The following GALNT17 variants were observed in gnomAD, a reference collection of about 807,000 sequenced individuals.
GALNT17 encodes the protein UDP-GalNAc:polypeptide N-acetylgalactosaminyltransferase-like 3.
In GALNT17, 29 loss-of-function variants were observed where a neutral mutation model predicts 63.7. That is an observed-to-expected ratio of 0.46 (90% CI 0.34 to 0.62). The LOEUF (loss-of-function observed/expected upper bound fraction) is 0.62, where lower values mean the gene tolerates loss of function less well. GALNT17 is among the 20% of genes least tolerant of loss of function. The pLI is 0.01. For synonymous variants in GALNT17, 305 were observed against 318.3 expected (o/e 0.96, Z 0.45); for missense variants, 603 against 799.6 (o/e 0.75, Z 2.97).
At chr7:71,425,742 C>T (rs922868856) in intron 5 of GALNT17, among the ~76,000 whole-genome samples, 5 of 152,118 alleles carry the variant, frequency 3.3e-5, no homozygotes, top group African/African-American at 7.2e-5. Flanking sequence ...CAACTTACAC[C>T]GGCAGTGGGC....
At chr7:71,418,480 A>T (rs553581800) in intron 4 of GALNT17, among the ~76,000 whole-genome samples, 1 of 152,178 alleles carries the variant, frequency 6.6e-6, no homozygotes, top group South Asian at 2.1e-4. Flanking sequence ...GCTGTGCTTG[A>T]TTTCTCCTCT....
intron 1 of GALNT17, among the ~76,000 whole-genome samples, chr7:71,213,173 T>C (rs1449791014): frequency 6.6e-6 from 1 of 152,166 alleles, no homozygotes; most frequent in East Asian, 1.9e-4. Context: ...GGGCCAGTCT[T>C]TCCTGTGCTA....
chr7:71,321,910 C>CCTTCCTTTCTTCCTTT (rs1791618443), intron 1 of GALNT17, among the ~76,000 whole-genome samples: 1 of 94,884 alleles, frequency 1.1e-5, no homozygotes, highest in Non-Finnish European at 2.3e-5. Context: ...TTCCTTCCTT[C>CCTTCCTTTCTTCCTTT]CTTCCTTCCT....
chr7:71,574,890 C>T (rs1789510432), intron 6 of GALNT17, among the ~76,000 whole-genome samples: 1 of 152,102 alleles, frequency 6.6e-6, no homozygotes, highest in African/African-American at 2.4e-5. Flanking sequence ...AGAAAGGAGC[C>T]CAGGTGAGAA....
At chr7:71,488,627 T>G (rs1441387040) in intron 5 of GALNT17, among the ~76,000 whole-genome samples, 1 of 145,036 alleles carries the variant, frequency 6.9e-6, no homozygotes, top group Admixed American at 7.2e-5. Context: ...TTGCCCAAGC[T>G]GGAGTGCAGT....
chr7:71,134,174 C>G (rs1787739501), intron 1 of GALNT17, among the ~76,000 whole-genome samples: 1 of 152,166 alleles, frequency 6.6e-6, no homozygotes. Context: ...CCCCAAACCT[C>G]TGTAATCGGA....
At chr7:71,262,405 T>C (rs1434899585) in intron 1 of GALNT17, among the ~76,000 whole-genome samples, 1 of 152,108 alleles carries the variant, frequency 6.6e-6, no homozygotes, top group African/African-American at 2.4e-5. Context: ...TGTAAGCCAC[T>C]GTGCCCAACC....
intron 6 of GALNT17, among the ~76,000 whole-genome samples, chr7:71,615,834 C>T (rs911057833): frequency 6.6e-6 from 1 of 152,094 alleles, no homozygotes; most frequent in Non-Finnish European, 1.5e-5. Context: ...CCAAGGAACT[C>T]TGAATGAATG....
At chr7:71,706,030 G>A (rs1381917446) in intron 9 of GALNT17, among the ~76,000 whole-genome samples, 1 of 152,140 alleles carries the variant, frequency 6.6e-6, no homozygotes, top group Non-Finnish European at 1.5e-5. Flanking sequence ...AGATCCAAGG[G>A]TTCGCTACCC....
intron 2 of GALNT17, among the ~76,000 whole-genome samples, chr7:71,338,313 C>T (rs923553545): frequency 9.3e-5 from 14 of 150,532 alleles, no homozygotes; most frequent in African/African-American, 2.4e-4. Context: ...GGCGAAAGAG[C>T]GAGACTCCGT....
intron 6 of GALNT17, among the ~76,000 whole-genome samples, chr7:71,621,743 C>G (rs1790299038): frequency 6.6e-6 from 1 of 152,116 alleles, no homozygotes; most frequent in Admixed American, 6.5e-5. Context: ...TTATAACATT[C>G]TAGGGTAGAA....
intron 6 of GALNT17, among the ~76,000 whole-genome samples, chr7:71,659,670 AT>A (rs1790877255): frequency 6.6e-6 from 1 of 152,252 alleles, no homozygotes; most frequent in Non-Finnish European, 1.5e-5. Context: ...ATCAGCCCAG[AT>A]TCAAGGAGAG....
chr7:71,581,538 A>G lies in GALNT17; in HGVS notation c.1080+10136A>G, dbSNP rs112591104. On this transcript the variant is annotated intron_variant, in intron 6 of 10. Coordinates refer to ENST00000333538, the MANE Select transcript of GALNT17 (RefSeq NM_022479.3). The stretch of plus-strand genomic sequence containing the variant: ...TGGGGGAAACCAACCCCCATGATCC[A>G]ATCACCTCTTACCAGGTCCCTCCTT... Among the ~76,000 whole-genome samples, 1,444 of 152,192 alleles carry G rather than the reference A, an allele frequency of 9.5e-3. 21 individuals are homozygous for G. The highest frequency in any genetic ancestry group is 0.033 in the African/African-American group (1,351 of 41,536).
At chr7:71,427,352 C>G (rs1583943300) in intron 5 of GALNT17, among the ~76,000 whole-genome samples, 1 of 151,864 alleles carries the variant, frequency 6.6e-6, no homozygotes, top group Non-Finnish European at 1.5e-5. Context: ...TGCCTCAGCC[C>G]CCTAAAGTGC....
intron 5 of GALNT17, among the ~76,000 whole-genome samples, chr7:71,474,759 C>A (rs1338508781): frequency 6.6e-6 from 1 of 152,130 alleles, no homozygotes. Flanking sequence ...ACCCAAGATA[C>A]CCACATTCCA....
intron 2 of GALNT17, among the ~76,000 whole-genome samples, chr7:71,371,927 G>T (rs1792630961): frequency 6.6e-6 from 1 of 152,102 alleles, no homozygotes; most frequent in African/African-American, 2.4e-5. Context: ...TGTTGCACTT[G>T]CCAGTTGGCT....
chr7:71,410,956 G>A (rs1398900246), intron 3 of GALNT17, among the ~76,000 whole-genome samples: 3 of 152,058 alleles, frequency 2.0e-5, no homozygotes, highest in East Asian at 1.9e-4. Context: ...TATTTTTGTC[G>A]AAATGAGTTT....
intron 5 of GALNT17, among the ~76,000 whole-genome samples, chr7:71,509,865 G>A (rs1301545680): frequency 1.3e-5 from 2 of 152,178 alleles, no homozygotes; most frequent in African/African-American, 4.8e-5. Flanking sequence ...GAGAGAAGAG[G>A]ACACTGGGGG....
At chr7:71,383,026 C>A (rs1792875417) in intron 2 of GALNT17, among the ~76,000 whole-genome samples, 1 of 152,142 alleles carries the variant, frequency 6.6e-6, no homozygotes, top group Non-Finnish European at 1.5e-5. Context: ...TCCCTGTCCC[C>A]TGATAACCTC....
Sources: gnomAD v4.1 joint callset for allele counts (sites outside exome capture counted in the v4.1 genomes callset) on GRCh38, gnomAD v4.1.1 for gene constraint, MANE v1.5 for transcripts, NCBI Gene and HGNC (gene_info 2026-07-23, HGNC 2026-07-21) for gene names.